The following ME1 variants were observed in gnomAD, a reference collection of about 807,000 sequenced individuals.
The protein encoded by ME1 is malic enzyme 1.
ME1 carries 74 observed loss-of-function variants against 66.4 expected under a neutral mutation model. That is an observed-to-expected ratio of 1.11 (90% CI 0.92 to 1.35). The LOEUF (loss-of-function observed/expected upper bound fraction) is 1.35. Among genes scored for constraint, ME1 ranks in the 40% most tolerant of loss-of-function variants. ME1 has a pLI of 0.00. For missense variants in ME1, 750 were observed against 694.1 expected, an observed-to-expected ratio of 1.08 and a Z score of -0.90; for synonymous variants, 251 against 235.6, an observed-to-expected ratio of 1.07 and a Z score of -0.60.
chr6:83,285,698 T>C (rs145456781), intron 6 of ME1, among the ~76,000 whole-genome samples: 1 of 152,166 alleles, frequency 6.6e-6, no homozygotes, highest in East Asian at 1.9e-4. Context: ...GACCCTGAGG[T>C]GGGAGTGCAC....
chr6:83,275,687 G>C (rs954744357), intron 6 of ME1, among the ~76,000 whole-genome samples: 1 of 146,106 alleles, frequency 6.8e-6, no homozygotes, highest in East Asian at 2.1e-4. Flanking sequence ...GGATGGTCTC[G>C]ATCTCCTGAC....
chr6:83,368,779 A>C (rs1769144593), intron 3 of ME1, among the ~76,000 whole-genome samples: 1 of 152,064 alleles, frequency 6.6e-6, no homozygotes, highest in Admixed American at 6.5e-5. Flanking sequence ...AATCCTTAGA[A>C]CAGTCAGTTA....
chr6:83,415,989 C>T (rs895804753), intron 1 of ME1, among the ~76,000 whole-genome samples: 5 of 152,156 alleles, frequency 3.3e-5, no homozygotes, highest in African/African-American at 9.7e-5. Context: ...TAGATGCACA[C>T]TTCACCAACA....
At chr6:83,250,576 G>A (rs79728098) in intron 7 of ME1, among the ~76,000 whole-genome samples, 1 of 152,112 alleles carries the variant, frequency 6.6e-6, no homozygotes, top group African/African-American at 2.4e-5. Flanking sequence ...TCCATCCTTG[G>A]CTCCTTTCTC....
chr6:83,420,652 T>C (rs1048380835), intron 1 of ME1, among the ~76,000 whole-genome samples: 1 of 152,232 alleles, frequency 6.6e-6, no homozygotes, highest in Non-Finnish European at 1.5e-5. Flanking sequence ...ATTGTGCATT[T>C]ATCCCACAAG....
At chr6:83,318,374 A>C (rs1356265380) in intron 5 of ME1, among the ~76,000 whole-genome samples, 24 of 126,526 alleles carry the variant, frequency 1.9e-4, no homozygotes, top group African/African-American at 6.1e-4. Flanking sequence ...CAACCTACAA[A>C]ATGGGAGAAA....
chr6:83,278,988 A>G (rs1053608331), intron 6 of ME1, among the ~76,000 whole-genome samples: 31 of 152,146 alleles, frequency 2.0e-4, no homozygotes, highest in Non-Finnish European at 3.4e-4. Context: ...GGACTATAGT[A>G]AACAACCCCT....
chr6:83,417,197 ACAC>A (rs897747438), intron 1 of ME1, among the ~76,000 whole-genome samples: 4 of 151,992 alleles, frequency 2.6e-5, no homozygotes, highest in African/African-American at 9.7e-5. Flanking sequence ...CTATACGCAT[ACAC>A]CACCACATCT....
At chr6:83,257,401 A>G (rs1443424013) in intron 6 of ME1, among the ~76,000 whole-genome samples, 2 of 152,136 alleles carry the variant, frequency 1.3e-5, no homozygotes, top group African/African-American at 4.8e-5. Flanking sequence ...AAATAAGTCT[A>G]CTTCTAGCAT....
intron 7 of ME1, among the ~76,000 whole-genome samples, chr6:83,252,872 G>T (rs1371977900): frequency 6.6e-6 from 1 of 152,168 alleles, no homozygotes; most frequent in Non-Finnish European, 1.5e-5. Flanking sequence ...GAAGCCAACA[G>T]AAAAGAGTAT....
chr6:83,246,977 G>A (rs187201714), intron 7 of ME1, among the ~76,000 whole-genome samples: 93 of 152,184 alleles, frequency 6.1e-4, no homozygotes, highest in African/African-American at 2.1e-3. Context: ...CCAAAAATAT[G>A]TTTACTGGCC....
intron 6 of ME1, among the ~76,000 whole-genome samples, chr6:83,263,437 G>C (rs917506037): frequency 2.0e-5 from 3 of 152,140 alleles, no homozygotes; most frequent in Admixed American, 1.3e-4. Flanking sequence ...CCTGTTGTAC[G>C]AAGCAGTTAG....
At position 83,334,166 on chromosome 6, in the gene ME1, G is replaced by A. The variant is rs1026916641; in HGVS notation, c.600+12007C>T. 2.6e-5 allele frequency among the ~76,000 whole-genome samples: 4 copies of A among 151,994 alleles called. No individual in the cohort carries two copies. In the East Asian group the frequency reaches 7.8e-4, roughly 30 times the overall value. ...TTGCCTCACCTGGGAAGCGCAAGGG[G>A]TCAGGGAGTTCCTTTTCCGAGTCAA... On this transcript the variant is annotated intron_variant, in intron 5 of 13. Coordinates refer to ENST00000369705, the MANE Select transcript of ME1 (RefSeq NM_002395.6).
intron 9 of ME1, among the ~76,000 whole-genome samples, chr6:83,230,143 T>G (rs1201477881): frequency 6.6e-6 from 1 of 151,768 alleles, no homozygotes; most frequent in African/African-American, 2.4e-5. Flanking sequence ...TTTTTGTTGT[T>G]GTTGTTGTTG....
intron 3 of ME1, among the ~76,000 whole-genome samples, chr6:83,358,097 G>C (rs1331634992): frequency 6.6e-6 from 1 of 150,918 alleles, no homozygotes; most frequent in Non-Finnish European, 1.5e-5. Context: ...GAATATTAAG[G>C]ATGGAGTTCT....
At chr6:83,363,568 C>T (rs1195694618) in intron 3 of ME1, among the ~76,000 whole-genome samples, 1 of 152,094 alleles carries the variant, frequency 6.6e-6, no homozygotes, top group Non-Finnish European at 1.5e-5. Flanking sequence ...TTGGGTCACT[C>T]CACCAGGAAA....
intron 6 of ME1, among the ~76,000 whole-genome samples, chr6:83,285,954 C>T (rs1767389014): frequency 6.6e-6 from 1 of 152,084 alleles, no homozygotes; most frequent in Admixed American, 6.5e-5. Context: ...TAAAATTCAG[C>T]CAAAAGCATA....
intron 6 of ME1, among the ~76,000 whole-genome samples, chr6:83,294,477 G>A (rs1767558725): frequency 6.6e-6 from 1 of 152,038 alleles, no homozygotes; most frequent in Non-Finnish European, 1.5e-5. Context: ...CTCCTGGTGA[G>A]CCCTCGATCC....
At chr6:83,325,065 C>A (rs147705032) in intron 5 of ME1, among the ~76,000 whole-genome samples, 3 of 152,110 alleles carry the variant, frequency 2.0e-5, no homozygotes, top group African/African-American at 7.2e-5. Context: ...TCAACATATG[C>A]GAATCAATAA....
Sources: allele counts gnomAD v4.1 joint callset (sites outside exome capture counted in the v4.1 genomes callset), GRCh38; gene constraint gnomAD v4.1.1; transcripts MANE v1.5; gene names NCBI Gene and HGNC (gene_info 2026-07-23, HGNC 2026-07-21).